Variants in DIAPH2 observed in about 807,000 individuals in gnomAD.
DIAPH2 encodes the protein protein diaphanous homolog 2.
In DIAPH2, 35 loss-of-function variants were observed where a neutral mutation model predicts 92.7. That is an observed-to-expected ratio of 0.38 (90% confidence interval 0.29 to 0.50). The LOEUF (loss-of-function observed/expected upper bound fraction) is 0.50. Among genes scored for constraint, DIAPH2 ranks in the 20% least tolerant of loss-of-function variants. The pLI is 0.94. For missense variants in DIAPH2, 701 were observed against 819.5 expected (o/e 0.86, Z 1.77); for synonymous variants, 301 against 280.4 (o/e 1.07, Z -0.73).
At chrX:96,996,553 A>T (rs1224489688) in intron 17 of DIAPH2, among the ~76,000 whole-genome samples, 1 of 111,674 alleles carries the variant, frequency 9.0e-6, no homozygotes, top group Admixed American at 9.5e-5. Flanking sequence ...ATACTGTCAC[A>T]ATTGTTAAGA....
chrX:97,051,124 A>G (rs747850704), intron 17 of DIAPH2, among the ~76,000 whole-genome samples: 13 of 111,972 alleles, frequency 1.2e-4, no homozygotes, highest in Admixed American at 1.9e-4. Context: ...CTGGACATCT[A>G]CTATCATTAA....
At chrX:97,265,509 G>A (rs2068328790) in intron 23 of DIAPH2, among the ~76,000 whole-genome samples, 1 of 111,703 alleles carries the variant, frequency 9.0e-6, no homozygotes, top group Non-Finnish European at 1.9e-5. Context: ...GGTGACTGGG[G>A]AGCCACTTTA....
At chrX:97,059,081 C>T (rs778440445) in intron 17 of DIAPH2, among the ~76,000 whole-genome samples, 5 of 111,512 alleles carry the variant, frequency 4.5e-5, no homozygotes, top group Non-Finnish European at 7.5e-5. Context: ...AAATATTTTA[C>T]AGTCATTCAG....
intron 25 of DIAPH2, among the ~76,000 whole-genome samples, chrX:97,419,724 A>G (rs1427093751): frequency 9.0e-6 from 1 of 111,709 alleles, no homozygotes; most frequent in Non-Finnish European, 1.9e-5. Flanking sequence ...CTCTTCGAAC[A>G]CTGCCTGCCA....
At chrX:96,957,381 G>A (rs191689527) in intron 15 of DIAPH2, among the ~76,000 whole-genome samples, 9 of 111,919 alleles carry the variant, frequency 8.0e-5, no homozygotes, top group African/African-American at 2.6e-4. Context: ...GGGTTGGGGA[G>A]GCCTCAGGAA....
chrX:97,515,851 G>A (rs1029725903), intron 26 of DIAPH2, among the ~76,000 whole-genome samples: 22 of 110,928 alleles, frequency 2.0e-4, no homozygotes, highest in African/African-American at 4.6e-4. Flanking sequence ...TGTTGGTAGC[G>A]GGTCTTGAAC....
chrX:97,237,568 C>A (rs2068057739), intron 22 of DIAPH2, among the ~76,000 whole-genome samples: 1 of 105,704 alleles, frequency 9.5e-6, no homozygotes, highest in Non-Finnish European at 1.9e-5. Flanking sequence ...AAAGATTTTT[C>A]TTTTTCTTTT....
chrX:97,185,474 C>T (rs6615895), intron 22 of DIAPH2, among the ~76,000 whole-genome samples: 1,133 of 10,452 alleles, frequency 0.11, 233 homozygotes, highest in African/African-American at 0.31. Context: ...TATATATACA[C>T]ATATATATAT....
At chrX:96,754,815 T>C (rs1306580542) in intron 3 of DIAPH2, among the ~76,000 whole-genome samples, 1 of 104,434 alleles carries the variant, frequency 9.6e-6, no homozygotes, top group East Asian at 3.0e-4. Flanking sequence ...TCCCAGCTAC[T>C]TGGGAGGCTG....
At chrX:97,293,901 CA>C (rs2068620839) in intron 23 of DIAPH2, among the ~76,000 whole-genome samples, 1 of 111,864 alleles carries the variant, frequency 8.9e-6, no homozygotes, top group African/African-American at 3.2e-5. Context: ...GTTTGAATTT[CA>C]AAACTTACCT....
intron 26 of DIAPH2, among the ~76,000 whole-genome samples, chrX:97,471,984 GTTCCC>G (rs1408506753): frequency 1.8e-5 from 2 of 111,665 alleles, no homozygotes; most frequent in Non-Finnish European, 3.8e-5. Flanking sequence ...TCCTTACAAT[GTTCCC>G]TTTCACTTAG....
chrX:97,002,557 A>G (rs2066152019), intron 17 of DIAPH2, among the ~76,000 whole-genome samples: 1 of 111,853 alleles, frequency 8.9e-6, no homozygotes, highest in African/African-American at 3.2e-5. Context: ...TACTTGCTGT[A>G]TCAGACTGAC....
intron 17 of DIAPH2, among the ~76,000 whole-genome samples, chrX:96,998,342 G>T (rs1374872106): frequency 9.0e-6 from 1 of 111,069 alleles, no homozygotes; most frequent in African/African-American, 3.3e-5. Context: ...AGTTTACTGA[G>T]CAGATTTTTG....
chrX:97,210,440 T>C (rs1273333759), intron 22 of DIAPH2, among the ~76,000 whole-genome samples: 1 of 111,813 alleles, frequency 8.9e-6, no homozygotes, highest in African/African-American at 3.2e-5. Context: ...TGTCTTGAGT[T>C]AAGTACATAC....
At position 96,738,770 on chromosome X, in the gene DIAPH2, A is replaced by T. The variant is rs1334426661; in HGVS notation, c.342+8A>T. On this transcript the variant is annotated splice_region_variant and intron_variant, in intron 3 of 26. Transcript: ENST00000324765. ...CTCTTTGAAAAAATGATGGTAAGTT[A>T]TACCCCTAATTTTGATGTAATTTTA... is the stretch of plus-strand genomic sequence containing the variant. 1.7e-6 allele frequency: 2 copies of T among 1,182,499 alleles called. No homozygotes were observed. Among genetic ancestry groups the T allele is most frequent in the East Asian group, 3.0e-5 (1 of 33,643 alleles).
At chrX:97,229,167 A>T (rs1194408675) in intron 22 of DIAPH2, among the ~76,000 whole-genome samples, 1 of 112,454 alleles carries the variant, frequency 8.9e-6, no homozygotes, top group Non-Finnish European at 1.9e-5. Context: ...GTTCAATTCT[A>T]AAAACCTCTT....
intron 21 of DIAPH2, among the ~76,000 whole-genome samples, chrX:97,139,912 T>A (rs779788652): frequency 9.0e-6 from 1 of 111,499 alleles, no homozygotes; most frequent in African/African-American, 3.2e-5. Flanking sequence ...TGTTTTTATA[T>A]TTCCTTTCCA....
chrX:97,394,225 A>G (rs926646292), intron 25 of DIAPH2, among the ~76,000 whole-genome samples: 26 of 111,767 alleles, frequency 2.3e-4, no homozygotes, highest in Admixed American at 6.6e-4. Flanking sequence ...ATCACCTCCA[A>G]TAATATAAAT....
intron 23 of DIAPH2, among the ~76,000 whole-genome samples, chrX:97,263,559 ATTTATTTAT>A (rs1414626946): frequency 4.1e-5 from 1 of 24,655 alleles, no homozygotes; most frequent in Non-Finnish European, 1.2e-4. Context: ...TCCAACTGTT[ATTTATTTAT>A]TTATTTATTT....
Sources: allele counts gnomAD v4.1 joint callset (sites outside exome capture counted in the v4.1 genomes callset), GRCh38; gene constraint gnomAD v4.1.1; transcripts MANE v1.5; gene names NCBI Gene and HGNC (gene_info 2026-07-23, HGNC 2026-07-21).